Variants in PROM1 observed in about 807,000 individuals in gnomAD.
PROM1 encodes the protein prominin-1.
A neutral mutation model predicts 116.9 loss-of-function variants in PROM1; 105 were observed. The ratio of observed to expected loss-of-function variants is 0.90; its 90% CI spans 0.77 to 1.06. PROM1 has a LOEUF of 1.06. Among genes scored for constraint, PROM1 ranks in the 50% least tolerant of loss-of-function variants. PROM1 has a pLI of 0.00. For missense variants in PROM1, 1,122 were observed against 1,045.2 expected, an observed-to-expected ratio of 1.07 and a Z score of -1.01; for synonymous variants, 393 against 387.0, an observed-to-expected ratio of 1.02 and a Z score of -0.18.
In PROM1 at chr4:15,998,725, T is replaced by C. The variant is rs1455892067; in HGVS notation, c.1579-237A>G. On this transcript the variant is annotated intron_variant, in intron 14 of 27. Coordinates refer to ENST00000447510, the MANE Select transcript of PROM1 (RefSeq NM_006017.3). ...TTAAAATTACTTTTTTTGAGAACTT[T>C]TTTTTTTTGAGACAGAGTCTTGCTC... 2.0e-5 allele frequency among the ~76,000 whole-genome samples: 3 copies of C among 152,128 alleles called. No individual in the cohort carries two copies. In the East Asian group the frequency reaches 5.8e-4, roughly 29 times the overall value.
intron 10 of PROM1, among the ~76,000 whole-genome samples, chr4:16,014,031 G>A (rs1278441150): frequency 2.0e-5 from 3 of 152,130 alleles, no homozygotes. Flanking sequence ...ACCGTGCCGA[G>A]CGATAGGGCT....
rs1000455598 is a variant in PROM1 at position 15,994,031 on chromosome 4, G to C, written c.1723C>G (p.Leu575Val). 4 of 1,614,014 alleles carry C rather than the reference G, an allele frequency of 2.5e-6. No individual in the cohort carries two copies. The South Asian group carries it at 4.4e-5, about 18-fold the overall frequency. The stretch of plus-strand genomic sequence containing the variant: ...TCACTGATATTGAAGCTGTTCTGCA[G>C]GTGAAGAGTGCCGTAAGTGCCTCTA... ...KNRGTYGTLHLQNSFNISEHL... is the reference protein window; with the variant it reads ...KNRGTYGTLHVQNSFNISEHL... Residue 575 changes from leucine (L) to valine (V), a missense_variant, in exon 16 of 28, where the codon CTG (leucine) becomes GTG (valine). Coordinates refer to ENST00000447510, the MANE Select transcript of PROM1 (RefSeq NM_006017.3).
At chr4:15,990,930 C>T (rs1282368466) in intron 18 of PROM1, among the ~76,000 whole-genome samples, 1 of 152,216 alleles carries the variant, frequency 6.6e-6, no homozygotes, top group Non-Finnish European at 1.5e-5. Context: ...ATGGGGTAGC[C>T]CCCCTCCAGA....
chr4:16,051,725 G>T (rs748677772), intron 2 of PROM1, among the ~76,000 whole-genome samples: 1 of 152,166 alleles, frequency 6.6e-6, no homozygotes, highest in Non-Finnish European at 1.5e-5. Context: ...ACTGTCTTTG[G>T]ACACGGAATG....
At chr4:16,052,610 T>C (rs1410716891) in intron 2 of PROM1, among the ~76,000 whole-genome samples, 1 of 152,124 alleles carries the variant, frequency 6.6e-6, no homozygotes, top group Non-Finnish European at 1.5e-5. Flanking sequence ...CCTGAGTAGC[T>C]GGGACTACAG....
At chr4:16,039,599 G>A (rs537154841) in intron 2 of PROM1, among the ~76,000 whole-genome samples, 115 of 152,064 alleles carry the variant, frequency 7.6e-4, no homozygotes, top group African/African-American at 2.6e-3. Context: ...TTAGCCAGGC[G>A]TGGTGGCGCA....
chr4:16,062,359 T>C (rs112554050), intron 2 of PROM1, among the ~76,000 whole-genome samples: 13 of 152,302 alleles, frequency 8.5e-5, no homozygotes, highest in African/African-American at 3.1e-4. Flanking sequence ...GGTGACACAA[T>C]TCAACCCATA....
At chr4:15,990,856 T>C (rs1444420332) in intron 18 of PROM1, among the ~76,000 whole-genome samples, 1 of 152,242 alleles carries the variant, frequency 6.6e-6, no homozygotes, top group African/African-American at 2.4e-5. Flanking sequence ...TAGCATTCCA[T>C]TGAAAGCGGT....
intron 10 of PROM1, 54 bp from the exon 11 acceptor site, chr4:16,013,392 G>T: frequency 7.8e-7 from 1 of 1,284,928 alleles, no homozygotes; most frequent in South Asian, 1.2e-5. Context: ...AAGACTAGTT[G>T]ACTAGTCACT....
intron 2 of PROM1, among the ~76,000 whole-genome samples, chr4:16,049,083 C>A (rs1578209755): frequency 6.6e-6 from 1 of 152,316 alleles, no homozygotes; most frequent in Middle Eastern, 3.4e-3. Context: ...GTGCTGCCGC[C>A]CCTGGAGAAT....
intron 24 of PROM1, 40 bp from the exon 25 acceptor site, chr4:15,979,944 A>G: frequency 1.6e-6 from 2 of 1,227,140 alleles, no homozygotes; most frequent in South Asian, 2.9e-5. Flanking sequence ...TAATTTTTTT[A>G]ATTATTATGA....
chr4:16,067,318 T>TCATCACCACTCCCTAATCTCAACTACCCA (rs1741767400), intron 2 of PROM1, among the ~76,000 whole-genome samples: 1 of 152,210 alleles, frequency 6.6e-6, no homozygotes, highest in Non-Finnish European at 1.5e-5. Flanking sequence ...GAAAGAAAAG[T>TCATCACCACTCCCTAATCTCAACTACCCA]GGCAATTATG....
At chr4:15,980,340 T>C in intron 24 of PROM1, 82 bp downstream of exon 24, 1 of 812,842 alleles carries the variant, frequency 1.2e-6, no homozygotes, top group Non-Finnish European at 2.0e-6. Flanking sequence ...TTTAACCTCA[T>C]CAGAACTCAT....
chr4:16,038,812 G>T, intron 3 of PROM1, 134 bp downstream of exon 3: 1 of 904,650 alleles, frequency 1.1e-6, no homozygotes, highest in Non-Finnish European at 1.5e-6. Context: ...AATATTCCAT[G>T]AAAGTTCTTA....
chr4:16,007,126 A>G (rs1725707725), intron 12 of PROM1, among the ~76,000 whole-genome samples: 1 of 152,244 alleles, frequency 6.6e-6, no homozygotes, highest in African/African-American at 2.4e-5. Context: ...TAGACTACAG[A>G]TAAAGAAATA....
chr4:15,995,299 GGA>G (rs955006794), intron 15 of PROM1, among the ~76,000 whole-genome samples: 34 of 150,548 alleles, frequency 2.3e-4, no homozygotes, highest in Non-Finnish European at 1.3e-4. Context: ...CCAGTTGGAA[GGA>G]GAGAGAGAGA....
rs2191004 is a variant in PROM1, at chr4:15,987,568, C to A, written c.2130+95G>T. On this transcript the variant is annotated intron_variant, in intron 20 of 27. Coordinates refer to ENST00000447510, the MANE Select transcript of PROM1 (RefSeq NM_006017.3). ...GGTAGATAACTGAGGCTTTTTTTTT[C>A]AACTTAAAGTACCTACAAAAATCCA... is the stretch of plus-strand genomic sequence containing the variant. 18 of 1,031,930 alleles carry A rather than the reference C, an allele frequency of 1.7e-5. No homozygotes were observed. In the East Asian group the frequency reaches 4.2e-4, roughly 24 times the overall value. The allele number at this position is 1,031,930 out of a possible 1,614,324, so 63.9% of individuals were successfully genotyped here.
At chr4:16,074,044 C>T (rs991316754) in intron 2 of PROM1, among the ~76,000 whole-genome samples, 5 of 152,084 alleles carry the variant, frequency 3.3e-5, no homozygotes, top group African/African-American at 9.7e-5. Context: ...AATTCATATT[C>T]GACAACTGAA....
intron 19 of PROM1, among the ~76,000 whole-genome samples, chr4:15,988,381 G>T (rs967557727): frequency 1.3e-5 from 2 of 152,206 alleles, no homozygotes; most frequent in African/African-American, 4.8e-5. Context: ...ACAGGAGGTT[G>T]ACAAACTTTA....
Sources: allele counts gnomAD v4.1 joint callset (sites outside exome capture counted in the v4.1 genomes callset), GRCh38; gene constraint gnomAD v4.1.1; transcripts MANE v1.5; gene names NCBI Gene and HGNC (gene_info 2026-07-23, HGNC 2026-07-21).